Variants in MED12L observed in about 807,000 individuals in gnomAD.
MED12L encodes mediator of RNA polymerase II transcription subunit 12-like protein.
MED12L carries 60 observed loss-of-function variants against 281.3 expected under a neutral mutation model. The ratio of observed to expected loss-of-function variants is 0.21; its 90% CI spans 0.17 to 0.26. MED12L has a LOEUF of 0.26. Among genes scored for constraint, MED12L ranks in the 10% least tolerant of loss-of-function variants. The pLI is 1.00. For synonymous variants in MED12L, 974 were observed against 987.2 expected (o/e 0.99, Z 0.25); for missense variants, 2,146 against 2,680.9 (o/e 0.80, Z 4.41).
Position 151,365,961 on chromosome 3 carries a change from G to T in MED12L, c.3297G>T (p.Trp1099Cys), listed in dbSNP as rs1163908308. 5.6e-6 allele frequency: 9 copies of T among 1,612,238 alleles called. No individual in the cohort carries two copies. The highest frequency in any genetic ancestry group is 7.6e-6 in the Non-Finnish European group (9 of 1,178,980). ...KALCCSSNHV[W>C]GFNDVLCTVD... is the part of the protein sequence containing the mutation. ...TTTGTTGTTCTTCAAATCACGTGTG[G>T]GGGTTTAATGATGTACTTTGCACTG... The change falls in exon 23 of 45, where the codon TGG (tryptophan) becomes TGT (cysteine). Residue 1099 changes from tryptophan (W) to cysteine (C), a missense_variant. Physicochemically the swap from Trp to Cys is radical, Grantham distance 215. This residue lies in a region of MED12L where 404 missense variants were observed against 603.5 expected (regional missense o/e 0.67). Transcript: ENST00000687756.
intron 16 of MED12L, among the ~76,000 whole-genome samples, chr3:151,251,696 T>C (rs1559940671): frequency 6.6e-6 from 1 of 152,346 alleles, no homozygotes; most frequent in East Asian, 1.9e-4. Flanking sequence ...TGAATATCTG[T>C]GGTTCTTGCC....
At chr3:151,322,331 G>T (rs1262286561) in intron 16 of MED12L, among the ~76,000 whole-genome samples, 1 of 151,960 alleles carries the variant, frequency 6.6e-6, no homozygotes, top group African/African-American at 2.4e-5. Context: ...GACTACAGGT[G>T]CATGCCACCA....
intron 16 of MED12L, among the ~76,000 whole-genome samples, chr3:151,267,540 C>T (rs1740064848): frequency 6.6e-6 from 1 of 152,132 alleles, no homozygotes; most frequent in South Asian, 2.1e-4. Context: ...AAATGAGAGC[C>T]TCGGTCCTTG....
At chr3:151,416,559 G>A in intron 43 of MED12L, 137 bp downstream of exon 43, 3 of 783,038 alleles carry the variant, frequency 3.8e-6, no homozygotes, top group Non-Finnish European at 6.2e-6. Context: ...CTTTACTAGA[G>A]TTTTATTGTC....
At chr3:151,236,041 T>G (rs1181436640) in intron 16 of MED12L, among the ~76,000 whole-genome samples, 2 of 152,192 alleles carry the variant, frequency 1.3e-5, no homozygotes, top group Non-Finnish European at 2.9e-5. Flanking sequence ...ATTTTTTAAC[T>G]TATTCTCCTC....
In MED12L at chr3:151,407,080, C is replaced by T. The variant is rs144772752; in HGVS notation, c.5821-2163C>T. ...CCTCCCAAAATGCTGAGATTAGAGG[C>T]GTGAGCCACCGCACCTGCCCAGTTC... On this transcript the variant is annotated intron_variant, in intron 39 of 44. Transcript: ENST00000687756. Among the ~76,000 whole-genome samples the T allele has an allele frequency of 3.8e-3, 571 of 152,236 alleles. 1 individual carries two copies. The highest frequency in any genetic ancestry group is 0.013 in the African/African-American group (553 of 41,566).
intron 16 of MED12L, among the ~76,000 whole-genome samples, chr3:151,277,099 A>G (rs535037823): frequency 2.1e-3 from 320 of 151,694 alleles, no homozygotes; most frequent in Middle Eastern, 3.4e-3. Context: ...GGGTTTTACC[A>G]CGTTGGCCAG....
chr3:151,258,246 G>A (rs1211372763), intron 16 of MED12L, among the ~76,000 whole-genome samples: 1 of 152,172 alleles, frequency 6.6e-6, no homozygotes, highest in African/African-American at 2.4e-5. Context: ...GCATAATCAA[G>A]TACTCTTGAC....
chr3:151,251,825 G>A (rs1466586312), intron 16 of MED12L, among the ~76,000 whole-genome samples: 2 of 152,100 alleles, frequency 1.3e-5, no homozygotes, highest in Non-Finnish European at 2.9e-5. Flanking sequence ...AGCTATTTGT[G>A]TACTTGCTTC....
At chr3:151,383,698 T>C (rs905057962) in intron 33 of MED12L, 81 bp from the exon 34 acceptor site, 37 of 851,040 alleles carry the variant, frequency 4.3e-5, no homozygotes, top group Non-Finnish European at 6.4e-5. Flanking sequence ...TAAAAAACAA[T>C]CAAAATTTGA....
At chr3:151,421,347 A>G (rs531352874) in intron 43 of MED12L, among the ~76,000 whole-genome samples, 35 of 152,056 alleles carry the variant, frequency 2.3e-4, no homozygotes, top group African/African-American at 3.4e-4. Context: ...CTCTTCCCCA[A>G]ATTTCTTTGT....
At chr3:151,247,595 C>T (rs1205984704) in intron 16 of MED12L, among the ~76,000 whole-genome samples, 2 of 119,190 alleles carry the variant, frequency 1.7e-5, no homozygotes, top group Non-Finnish European at 3.6e-5. Context: ...GGGAATATCA[C>T]ACTCCGGGGA....
chr3:151,373,634 C>T (rs186277103), intron 27 of MED12L, among the ~76,000 whole-genome samples: 4 of 152,016 alleles, frequency 2.6e-5, no homozygotes, highest in Admixed American at 6.5e-5. Flanking sequence ...AGAGCCTGCC[C>T]TCCTCTCCCC....
At chr3:151,223,690 G>A (rs1277194763) in intron 16 of MED12L, among the ~76,000 whole-genome samples, 2 of 152,182 alleles carry the variant, frequency 1.3e-5, no homozygotes, top group African/African-American at 2.4e-5. Context: ...CTCCAAAGAC[G>A]GGGAGGTAGG....
intron 2 of MED12L, among the ~76,000 whole-genome samples, chr3:151,107,406 T>C (rs1470827974): frequency 6.6e-6 from 1 of 152,232 alleles, no homozygotes; most frequent in African/African-American, 2.4e-5. Context: ...TTATGTGCTT[T>C]CTGAGCAGGC....
intron 16 of MED12L, chr3:151,340,603 CTG>C (rs1386519170): frequency 6.6e-6 from 1 of 152,524 alleles, no homozygotes; most frequent in Non-Finnish European, 1.5e-5. Flanking sequence ...TACCTGATAA[CTG>C]TTGATTCTGG....
intron 17 of MED12L, among the ~76,000 whole-genome samples, chr3:151,352,212 T>C (rs1348855523): frequency 6.6e-6 from 1 of 152,210 alleles, no homozygotes; most frequent in Non-Finnish European, 1.5e-5. Context: ...CTGTGACCTG[T>C]TATGTGAGAT....
At chr3:151,233,432 A>G (rs532767283) in intron 16 of MED12L, among the ~76,000 whole-genome samples, 14 of 152,350 alleles carry the variant, frequency 9.2e-5, no homozygotes, top group African/African-American at 3.1e-4. Context: ...TTAAAGCACA[A>G]CAAAAAGAAC....
chr3:151,376,076 C>G lies in MED12L; in HGVS notation c.3915C>G (p.Asp1305Glu). The G allele has an allele frequency of 6.2e-7, 1 of 1,608,044 alleles. No homozygotes were observed. The highest frequency in any genetic ancestry group is 8.5e-7 in the Non-Finnish European group (1 of 1,177,974). ...CLKEPERLCTDKELILDPVLS... is the reference protein window; with the variant it reads ...CLKEPERLCTEKELILDPVLS... The stretch of plus-strand genomic sequence containing the variant: ...AAGAACCTGAAAGATTATGTACAGA[C>G]AAAGAACTTATATTGGACCCTGTGC... The change falls in exon 28 of 45, where the codon GAC (aspartate) becomes GAG (glutamate). Residue 1305 changes from aspartate (D) to glutamate (E), a missense_variant. Asp to Glu is a conservative substitution (Grantham distance 45, BLOSUM62 2). Transcript: ENST00000687756.
Sources: allele counts gnomAD v4.1 joint callset (sites outside exome capture counted in the v4.1 genomes callset), GRCh38; gene constraint gnomAD v4.1.1; regional missense constraint gnomAD v4.1.1; transcripts MANE v1.5; gene names NCBI Gene and HGNC (gene_info 2026-07-23, HGNC 2026-07-21).